The following MB21D2 variants were observed in gnomAD, a reference collection of about 807,000 sequenced individuals.
The protein encoded by MB21D2 is Mab-21 domain containing 2, also known as nucleotidyltransferase MB21D2.
A neutral mutation model predicts 33.3 loss-of-function variants in MB21D2; 9 were observed. The observed-to-expected ratio is 0.27, with a 90% CI of 0.16 to 0.47. The LOEUF is 0.47. Among genes scored for constraint, MB21D2 ranks in the 20% least tolerant of loss-of-function variants. The probability of loss-of-function intolerance (pLI) is 0.99; values close to 1 mark genes in which losing one functional copy is unlikely to be tolerated. For missense variants in MB21D2, 540 were observed against 624.6 expected, an observed-to-expected ratio of 0.86 and a Z score of 1.44; for synonymous variants, 241 against 236.3, an observed-to-expected ratio of 1.02 and a Z score of -0.18.
intron 1 of MB21D2, among the ~76,000 whole-genome samples, chr3:192,908,191 A>C (rs1006664511): frequency 4.6e-5 from 7 of 152,158 alleles, no homozygotes; most frequent in African/African-American, 1.7e-4. Flanking sequence ...TTTCTCAGAG[A>C]CTGCAATAAA....
chr3:192,900,276 C>A (rs1440912161), intron 1 of MB21D2, among the ~76,000 whole-genome samples: 2 of 106,524 alleles, frequency 1.9e-5, no homozygotes, highest in Non-Finnish European at 3.6e-5. Context: ...CAGAGCAAGA[C>A]TCTGTCTCAA....
chr3:192,887,270 C>T (rs1393988229), intron 1 of MB21D2, among the ~76,000 whole-genome samples: 1 of 152,070 alleles, frequency 6.6e-6, no homozygotes, highest in Non-Finnish European at 1.5e-5. Flanking sequence ...CCTCAGCCTC[C>T]AGGACTGCAG....
At chr3:192,814,860 ATC>A (rs1711884833) in intron 1 of MB21D2, among the ~76,000 whole-genome samples, 1 of 118,014 alleles carries the variant, frequency 8.5e-6, no homozygotes, top group African/African-American at 2.9e-5. Context: ...GCGAGACTCC[ATC>A]CCAAAAAAAA....
At chr3:192,897,052 A>T (rs982325306) in intron 1 of MB21D2, among the ~76,000 whole-genome samples, 1 of 152,198 alleles carries the variant, frequency 6.6e-6, no homozygotes, top group African/African-American at 2.4e-5. Context: ...GAGACAAGGA[A>T]AGAGAAAACG....
At chr3:192,885,412 T>A (rs1280476670) in intron 1 of MB21D2, among the ~76,000 whole-genome samples, 1 of 152,086 alleles carries the variant, frequency 6.6e-6, no homozygotes, top group East Asian at 1.9e-4. Flanking sequence ...CCTCTACTCA[T>A]GAATAAATAT....
intron 1 of MB21D2, among the ~76,000 whole-genome samples, chr3:192,871,890 C>T (rs1448000331): frequency 6.6e-6 from 1 of 152,108 alleles, no homozygotes; most frequent in Non-Finnish European, 1.5e-5. Context: ...GTTCAAAAGG[C>T]CCTGCAGTAA....
intron 1 of MB21D2, among the ~76,000 whole-genome samples, chr3:192,890,582 T>C (rs1236568580): frequency 6.9e-6 from 1 of 145,222 alleles, no homozygotes; most frequent in Admixed American, 6.8e-5. Flanking sequence ...AAGCAATGAT[T>C]ACAGAAAAAA....
chr3:192,850,499 G>A (rs535597303), intron 1 of MB21D2, among the ~76,000 whole-genome samples: 6 of 152,108 alleles, frequency 3.9e-5, no homozygotes, highest in Non-Finnish European at 5.9e-5. Flanking sequence ...GTGGTGAGCC[G>A]GGCAGCATGG....
chr3:192,806,899 G>C (rs957881437), intron 1 of MB21D2, among the ~76,000 whole-genome samples: 3 of 152,112 alleles, frequency 2.0e-5, no homozygotes, highest in African/African-American at 7.2e-5. Flanking sequence ...ACCTGGATTC[G>C]AGTCCAATTC....
At chr3:192,834,421 C>CAAAAAA (rs35712980) in intron 1 of MB21D2, among the ~76,000 whole-genome samples, 1 of 127,126 alleles carries the variant, frequency 7.9e-6, no homozygotes. Flanking sequence ...CCAGTTATAT[C>CAAAAAA]AAAAAAAAAA....
intron 1 of MB21D2, among the ~76,000 whole-genome samples, chr3:192,905,100 A>G (rs1226085286): frequency 1.3e-5 from 2 of 152,238 alleles, no homozygotes; most frequent in East Asian, 3.8e-4. Flanking sequence ...TGCTATGAAG[A>G]ACAGCTGCAG....
intron 1 of MB21D2, among the ~76,000 whole-genome samples, chr3:192,827,169 T>G (rs1318253609): frequency 2.0e-5 from 3 of 152,172 alleles, no homozygotes; most frequent in Non-Finnish European, 4.4e-5. Context: ...GTGCTGGGAT[T>G]ACAGGCGTGA....
intron 1 of MB21D2, among the ~76,000 whole-genome samples, chr3:192,829,421 ATG>A (rs1218470790): frequency 1.3e-5 from 2 of 152,164 alleles, no homozygotes; most frequent in African/African-American, 4.8e-5. Context: ...TTAAGGGTGG[ATG>A]TGTGTTTGAC....
At chr3:192,804,430 C>T (rs904196391) in intron 1 of MB21D2, among the ~76,000 whole-genome samples, 24 of 76,740 alleles carry the variant, frequency 3.1e-4, no homozygotes, top group African/African-American at 1.2e-3. Flanking sequence ...AACAGATACA[C>T]ACACACACAC....
rs201212046 is a variant in MB21D2, at chr3:192,799,454, G to A, written c.408C>T (p.Leu136=). ...GGCACAAGGCTGAGTGGCGCATGTC[G>A]AGTGTCACAGGCTGATTACGGTCAT... The part of the protein sequence containing the change: ...KLHDRNQPVT[L]DMRHSALCHS... The change falls in exon 2 of 2, where the codon CTC becomes CTT. Residue 136 remains leucine, a synonymous_variant. Coordinates refer to ENST00000392452, the MANE Select transcript of MB21D2 (RefSeq NM_178496.4). The surrounding 1 kb of genome is among the most constrained non-coding windows in gnomAD (Gnocchi z 4.1). The A allele has an allele frequency of 2.3e-5, 37 of 1,614,224 alleles. No individual in the cohort carries two copies. Among genetic ancestry groups the A allele is most frequent in the African/African-American group, 1.7e-4 (13 of 75,064 alleles).
intron 1 of MB21D2, among the ~76,000 whole-genome samples, chr3:192,874,417 T>C (rs1027153471): frequency 3.3e-5 from 5 of 152,206 alleles, no homozygotes; most frequent in Admixed American, 1.3e-4. Flanking sequence ...GATACACTAA[T>C]GAAACCTCAC....
rs1720569788 is a variant in MB21D2, at chr3:192,798,498, GC to G, written c.1363del (p.Ala455GlnfsTer7). On this transcript the variant is annotated frameshift_variant, in exon 2 of 2. Transcript: ENST00000392452. LOFTEE classifies it high-confidence loss of function. This position sits in a 1 kb window ranked among gnomAD's most constrained non-coding sequence, Gnocchi z 4.8. The part of the protein sequence containing the change: ...GDPNQPDDRL[A>X]KKLQQLVTEN... ...AGTCACTAGCTGCTGCAGTTTTTTT[GC>G]CAAACGGTCATCAGGCTGGTTGGGG... 1 of 1,613,972 alleles carries G rather than the reference GC, an allele frequency of 6.2e-7. No homozygotes were observed.
At chr3:192,839,815 G>A (rs1712528816) in intron 1 of MB21D2, among the ~76,000 whole-genome samples, 1 of 152,064 alleles carries the variant, frequency 6.6e-6, no homozygotes, top group Admixed American at 6.6e-5. Flanking sequence ...AACCACCTAG[G>A]AGCATAAAAG....
intron 1 of MB21D2, among the ~76,000 whole-genome samples, chr3:192,810,881 TTGTG>T (rs35591932): frequency 2.6e-5 from 4 of 151,446 alleles, no homozygotes; most frequent in Non-Finnish European, 5.9e-5. Context: ...ATGAGTATGC[TTGTG>T]TGTGTGTGTG....
Sources: gnomAD v4.1 joint callset for allele counts (sites outside exome capture counted in the v4.1 genomes callset) on GRCh38, gnomAD v4.1.1 for gene constraint, Gnocchi (gnomAD v3.1) non-coding constraint, MANE v1.5 for transcripts, NCBI Gene and HGNC (gene_info 2026-07-23, HGNC 2026-07-21) for gene names.